SLC25A51: variants seen among roughly 807,000 people sequenced by gnomAD.
The protein encoded by SLC25A51 is solute carrier family 25 member 51, also known as mitochondrial nicotinamide adenine dinucleotide transporter SLC25A51.
SLC25A51 carries 11 observed loss-of-function variants against 19.1 expected under a neutral mutation model. The ratio of observed to expected loss-of-function variants is 0.58; its 90% CI spans 0.36 to 0.96. The LOEUF is 0.96. Ranked by LOEUF, SLC25A51 falls within the 40% of genes least tolerant of loss-of-function variation. The pLI is 0.01. For synonymous variants in SLC25A51, 105 were observed against 133.6 expected (o/e 0.79, Z 1.47); for missense variants, 201 against 365.4 (o/e 0.55, Z 3.67).
exon 4 of SLC25A51, chr9:37,879,775 A>C (rs1831315860): frequency 6.6e-6 from 1 of 152,538 alleles, no homozygotes; most frequent in African/African-American, 2.4e-5. Context: ...AGCAGTCTAT[A>C]AATGAAGTAG....
intron 1 of SLC25A51, among the ~76,000 whole-genome samples, chr9:37,901,177 A>AT (rs999891076): frequency 5.4e-5 from 8 of 148,196 alleles, no homozygotes; most frequent in Non-Finnish European, 9.0e-5. Context: ...TAAAAAAAAA[A>AT]TTTTTTTTTT....
chr9:37,879,076 GA>G, downstream of SLC25A51: 8 of 355,822 alleles, frequency 2.2e-5, no homozygotes, highest in Admixed American at 7.5e-5. Context: ...TAATCACCGT[GA>G]AAAAAATCAA....
At chr9:37,879,164 A>G, downstream of SLC25A51, 1 of 333,494 alleles carries the variant, frequency 3.0e-6, no homozygotes, top group South Asian at 2.8e-5. Flanking sequence ...AATGCTGAGG[A>G]TTAAAGCTGA....
intron 2 of SLC25A51, among the ~76,000 whole-genome samples, chr9:37,891,979 T>C (rs1011859306): frequency 5.7e-5 from 8 of 140,716 alleles, no homozygotes; most frequent in South Asian, 2.2e-4. Context: ...AAATGCTCAA[T>C]AGTAAAAGAC....
downstream of SLC25A51, among the ~76,000 whole-genome samples, chr9:37,883,930 A>C (rs958206540): frequency 1.3e-5 from 2 of 152,220 alleles, no homozygotes; most frequent in African/African-American, 4.8e-5. Context: ...CATCCTTTAC[A>C]GCTGGAAGAA....
rs1587158919 is a variant in SLC25A51, at chr9:37,888,278, C to T, written c.273G>A (p.Lys91=). 2.5e-6 allele frequency: 4 copies of T among 1,614,112 alleles called. No homozygotes were observed. In the African/African-American group the frequency reaches 5.3e-5, roughly 22 times the overall value. The part of the protein sequence containing the change: ...YRGILPPLMQ[K]TTTLALMFGL... ...CAAACATAAGTGCAAGCGTAGTTGT[C>T]TTCTGCATCAATGGGGGAAGGATTC... The change falls in exon 3 of 3, where the codon AAG becomes AAA. Residue 91 remains lysine (K), a synonymous_variant. Transcript: ENST00000242275.
downstream of SLC25A51, chr9:37,886,184 G>C: frequency 6.7e-7 from 1 of 1,501,642 alleles, no homozygotes; most frequent in South Asian, 1.1e-5. Flanking sequence ...TGGCAAGAAG[G>C]TAATGCGGCA....
chr9:37,903,969 G>A (rs1454080557), intron 1 of SLC25A51, 99 bp downstream of exon 1: 1 of 152,512 alleles, frequency 6.6e-6, no homozygotes, highest in Non-Finnish European at 1.5e-5. Flanking sequence ...GGGCCCCCAG[G>A]GCGGCAGCCT....
downstream of SLC25A51, among the ~76,000 whole-genome samples, chr9:37,887,180 G>C (rs1831477948): frequency 6.6e-6 from 1 of 152,110 alleles, no homozygotes; most frequent in Middle Eastern, 3.2e-3. Flanking sequence ...AGCTGGGCGT[G>C]GTGGCGGGCG....
downstream of SLC25A51, among the ~76,000 whole-genome samples, chr9:37,886,959 C>A (rs1230575287): frequency 6.7e-6 from 1 of 149,942 alleles, no homozygotes; most frequent in African/African-American, 2.5e-5. Flanking sequence ...GTCAGGAGAT[C>A]GAGACCATCC....
At chr9:37,898,642 C>G (rs1011704819) in intron 2 of SLC25A51, among the ~76,000 whole-genome samples, 2 of 152,054 alleles carry the variant, frequency 1.3e-5, no homozygotes, top group Non-Finnish European at 2.9e-5. Flanking sequence ...TTGCCGGAAC[C>G]CAGGAGGCAA....
intron 1 of SLC25A51, among the ~76,000 whole-genome samples, chr9:37,902,107 C>A (rs1831861406): frequency 1.3e-5 from 2 of 152,190 alleles, no homozygotes; most frequent in African/African-American, 2.4e-5. Flanking sequence ...ATTTTAAATT[C>A]TAAAGTCACC....
chr9:37,886,117 CAA>C, downstream of SLC25A51: 1 of 1,457,684 alleles, frequency 6.9e-7, no homozygotes, highest in Non-Finnish European at 9.6e-7. Context: ...GTACGCGGTA[CAA>C]AGTGAGCACA....
At chr9:37,886,897 C>T (rs1564066402), downstream of SLC25A51, among the ~76,000 whole-genome samples, 1 of 152,086 alleles carries the variant, frequency 6.6e-6, no homozygotes, top group Non-Finnish European at 1.5e-5. Flanking sequence ...GGCGCGGTGG[C>T]TCACACCTGT....
intron 2 of SLC25A51, among the ~76,000 whole-genome samples, chr9:37,888,953 A>G (rs1223795565): frequency 6.6e-6 from 1 of 152,266 alleles, no homozygotes; most frequent in African/African-American, 2.4e-5. Context: ...ATCATTAGAA[A>G]AAAATGGGAG....
At chr9:37,885,238 G>A (rs1310569325), downstream of SLC25A51, among the ~76,000 whole-genome samples, 1 of 149,420 alleles carries the variant, frequency 6.7e-6, no homozygotes, top group Non-Finnish European at 1.5e-5. Context: ...TTTCAAGATT[G>A]GTTTAAGAAA....
downstream of SLC25A51, chr9:37,886,506 C>T: frequency 2.6e-6 from 3 of 1,149,760 alleles, no homozygotes; most frequent in Non-Finnish European, 3.6e-6. Flanking sequence ...CTGGGTGGGG[C>T]AGTGCGCAGC....
rs1564067481 is a variant in SLC25A51 at position 37,888,670 on chromosome 9, CT to C, written c.-42-79del. On this transcript the variant is annotated intron_variant, in intron 2 of 2. Transcript: ENST00000242275. The stretch of plus-strand genomic sequence containing the variant: ...ATGGGCTTTCTCCCTAATCCATCCT[CT>C]AATATCTGGACACCACACTTTCCTT... 3.5e-6 allele frequency: 4 copies of C among 1,137,478 alleles called. No individual in the cohort carries two copies. The Admixed American group carries it at 7.5e-5, about 21-fold the overall frequency. 70.5% of individuals were successfully genotyped at this position (1,137,478 alleles called of 1,614,324 possible). A position where few individuals can be genotyped will look rare whatever the true frequency, so the allele number is the denominator to read the frequency against.
At position 37,904,078 on chromosome 9, in the gene SLC25A51, C is replaced by G. The variant is rs999737792; in HGVS notation, c.-175G>C. On this transcript the variant is annotated 5_prime_UTR_variant, in exon 1 of 3. Transcript: ENST00000242275. ...TCGTCCCACACTCACCCATCAGCGC[C>G]GGCGTCCCGCAGGACGGCTAGCGAG... 1.3e-5 allele frequency: 2 copies of G among 152,336 alleles called. No homozygotes were observed. Among genetic ancestry groups the G allele is most frequent in the African/African-American group, 2.4e-5 (1 of 41,476 alleles). 9.4% of individuals were successfully genotyped at this position (152,336 alleles called of 1,614,324 possible). A position where few individuals can be genotyped will look rare whatever the true frequency, so the allele number is the denominator to read the frequency against.
Sources: allele counts gnomAD v4.1 joint callset (sites outside exome capture counted in the v4.1 genomes callset), GRCh38; gene constraint gnomAD v4.1.1; transcripts MANE v1.5; gene names NCBI Gene and HGNC (gene_info 2026-07-23, HGNC 2026-07-21).